The following DLG4 variants were observed in gnomAD, a reference collection of about 807,000 sequenced individuals.
DLG4 encodes the protein disks large homolog 4.
In DLG4, 7 loss-of-function variants were observed where a neutral mutation model predicts 93.8. That is an observed-to-expected ratio of 0.07 (90% CI 0.04 to 0.14). DLG4 has a LOEUF of 0.14. Among genes scored for constraint, DLG4 ranks in the 10% least tolerant of loss-of-function variants. The probability of loss-of-function intolerance (pLI) is 1.00; values close to 1 mark genes in which losing one functional copy is unlikely to be tolerated. For synonymous variants in DLG4, 341 were observed against 387.6 expected, an observed-to-expected ratio of 0.88 and a Z score of 1.41; for missense variants, 545 against 992.9, an observed-to-expected ratio of 0.55 and a Z score of 6.06.
At chr17:7,211,709 GAGGGGGACTGAGGGA>G in intron 1 of DLG4, 1 of 913,746 alleles carries the variant, frequency 1.1e-6, no homozygotes, top group Non-Finnish European at 1.3e-6. Flanking sequence ...TGGAGAAGGG[GAGGGGGACTGAGGGA>G]AGGGGGTAGG....
intron 1 of DLG4, chr17:7,211,669 A>T (rs2070711274): frequency 1.0e-6 from 1 of 980,708 alleles, no homozygotes; most frequent in Non-Finnish European, 1.2e-6. Flanking sequence ...ACGCAGAGAC[A>T]CATGGAGGCG....
At chr17:7,192,122 A>T in intron 17 of DLG4, 120 bp from the exon 18 acceptor site, 1 of 527,522 alleles carries the variant, frequency 1.9e-6, no homozygotes, top group Non-Finnish European at 3.3e-6. Flanking sequence ...AAGGGGAGTG[A>T]CATGGATGTC....
chr17:7,187,719 T>C lies in DLG4; in HGVS notation c.*2989A>G, dbSNP rs1163209505. On this transcript the variant is annotated 3_prime_UTR_variant, in exon 20 of 20. Transcript: ENST00000399506. ...CTTCAGCTCACGATAGAGAACGTTA[T>C]CACAGCCTCAAGCCATCTGCTATTA... 1.3e-5 allele frequency among the ~76,000 whole-genome samples: 2 copies of C among 152,014 alleles called. No individual in the cohort carries two copies. Among genetic ancestry groups the C allele is most frequent in the African/African-American group, 2.4e-5 (1 of 41,392 alleles).
In DLG4 at chr17:7,196,741, G is replaced by A; in HGVS notation, c.1083+16C>T. On this transcript the variant is annotated intron_variant, in intron 9 of 19. Transcript: ENST00000399506. This position sits in a 1 kb window ranked among gnomAD's most constrained non-coding sequence, Gnocchi z 8.3. ...TGGGGAGGGGGTGGTGCAGGTAGGG[G>A]CAGGCCTTCCCTCACCGACAGGATC... 6.3e-7 allele frequency: 1 copy of A among 1,594,760 alleles called. No individual in the cohort carries two copies. The highest frequency in any genetic ancestry group is 8.5e-7 in the Non-Finnish European group (1 of 1,170,722).
At chr17:7,217,920 G>C, upstream of DLG4, 6 of 1,180,684 alleles carry the variant, frequency 5.1e-6, no homozygotes, top group South Asian at 6.8e-5. Flanking sequence ...GCGGTAGGGG[G>C]TCGGGTGTGA....
chr17:7,210,836 A>C (rs1176263182), intron 1 of DLG4, among the ~76,000 whole-genome samples: 1 of 152,080 alleles, frequency 6.6e-6, no homozygotes, highest in Admixed American at 6.6e-5. Context: ...CCCAAAGAAA[A>C]TGGAAACATG....
chr17:7,218,594 C>T, upstream of DLG4: 1 of 1,566,762 alleles, frequency 6.4e-7, no homozygotes, highest in Admixed American at 1.9e-5. Context: ...TGGGGGTGCC[C>T]ACCGCAGCAG....
Position 7,196,771 on chromosome 17 carries a change from C to G in DLG4, c.1069G>C (p.Asp357His), listed in dbSNP as rs537642886. The change falls in exon 9 of 20, where the codon GAC becomes CAC. Residue 357 changes from aspartate (D) to histidine (H), a missense_variant. By Grantham distance (81) the Asp-to-His change is moderately conservative. Around this residue, in one of 5 missense-constraint regions of DLG4, gnomAD observed 428 missense variants for 741.4 expected, o/e 0.58. Coordinates refer to ENST00000399506, the MANE Select transcript of DLG4 (RefSeq NM_001321075.3). This position sits in a 1 kb window ranked among gnomAD's most constrained non-coding sequence, Gnocchi z 8.3. ...CCTTCCCTCACCGACAGGATCTGGT[C>G]CCCCTTCCGCAGCTCCCCACTGAGG... ...ADLSGELRKG[D>H]QILSVNGVDL... The G allele has an allele frequency of 1.2e-6, 2 of 1,607,438 alleles. No homozygotes were observed. The highest frequency in any genetic ancestry group is 1.1e-5 in the South Asian group (1 of 90,082).
Position 7,196,463 on chromosome 17 carries a change from G to C in DLG4, c.1186+10C>G. On this transcript the variant is annotated intron_variant, in intron 10 of 19. Transcript: ENST00000399506. This position sits in a 1 kb window ranked among gnomAD's most constrained non-coding sequence, Gnocchi z 8.3. ...TCAGCTCACAAGACAAGGAACTTCC[G>C]GCCTGGTACCTTCTGGTTTATACTG... 6.2e-7 allele frequency: 1 copy of C among 1,613,810 alleles called. No individual in the cohort carries two copies. The highest frequency in any genetic ancestry group is 8.5e-7 in the Non-Finnish European group (1 of 1,179,702).
rs902607993 is a variant in DLG4, at chr17:7,191,140, G to A, written c.2068+127C>T. On this transcript the variant is annotated intron_variant, in intron 19 of 19. Transcript: ENST00000399506. This position sits in a 1 kb window ranked among gnomAD's most constrained non-coding sequence, Gnocchi z 6.6. ...GCCCGCCAGTGCTGGGATTACAGGCGTGAGCCACCATGCCGCGCCCACAGG... is the reference window on the plus strand; with the variant it reads ...GCCCGCCAGTGCTGGGATTACAGGCATGAGCCACCATGCCGCGCCCACAGG... The A allele has an allele frequency of 1.3e-4, 110 of 836,630 alleles. No homozygotes were observed. Among genetic ancestry groups the A allele is most frequent in the African/African-American group, 1.2e-3 (71 of 59,718 alleles). 51.8% of individuals were successfully genotyped at this position (836,630 alleles called of 1,614,324 possible). A position where few individuals can be genotyped will look rare whatever the true frequency, so the allele number is the denominator to read the frequency against.
rs1274340141 is a variant in DLG4, at chr17:7,208,500, C to T, written c.31-261G>A. 6.6e-6 allele frequency among the ~76,000 whole-genome samples: 1 copy of T among 152,096 alleles called. No individual in the cohort carries two copies. Among genetic ancestry groups the T allele is most frequent in the African/African-American group, 2.4e-5 (1 of 41,396 alleles). On this transcript the variant is annotated intron_variant, in intron 1 of 19. Coordinates refer to ENST00000399506, the MANE Select transcript of DLG4 (RefSeq NM_001321075.3). The surrounding 1 kb of genome is among the most constrained non-coding windows in gnomAD (Gnocchi z 5.4). ...ATCCCCCAACTCCTACTCCTCACAT[C>T]CTGGGACACTGGCCTTCTGGTGGGC... is the stretch of plus-strand genomic sequence containing the variant.
chr17:7,198,462 G>A (rs2069926515), intron 8 of DLG4, among the ~76,000 whole-genome samples: 2 of 138,854 alleles, frequency 1.4e-5, no homozygotes, highest in Admixed American at 7.6e-5. Flanking sequence ...CAGCCTGGGT[G>A]ACAGAGCGAG....
Position 7,194,279 on chromosome 17 carries a change from G to C in DLG4, c.1478+40C>G, listed in dbSNP as rs1349768936. 2 of 1,578,422 alleles carry C rather than the reference G, an allele frequency of 1.3e-6. No homozygotes were observed. The highest frequency in any genetic ancestry group is 2.7e-5 in the African/African-American group (2 of 73,996). On this transcript the variant is annotated intron_variant, in intron 12 of 19. Coordinates refer to ENST00000399506, the MANE Select transcript of DLG4 (RefSeq NM_001321075.3). This position sits in a 1 kb window ranked among gnomAD's most constrained non-coding sequence, Gnocchi z 4.4. The stretch of plus-strand genomic sequence containing the variant: ...ACCCCGGGGGACCTTGGGAACTTCA[G>C]TGCCTGTGGCAGGAAGGCTACAGAG...
At chr17:7,217,707 T>A, upstream of DLG4, 1 of 1,532,942 alleles carries the variant, frequency 6.5e-7, no homozygotes, top group Non-Finnish European at 8.7e-7. Flanking sequence ...ACTCCTTCTG[T>A]GCTGGCAGGA....
At position 7,189,111 on chromosome 17, in the gene DLG4, CAAAA is replaced by C; in HGVS notation, c.*1593_*1596del. On this transcript the variant is annotated 3_prime_UTR_variant, in exon 20 of 20. Transcript: ENST00000399506. Reference sequence around the variant, plus strand: ...TGAGCGAAAGAGCGAAACTCTGTCTCAAAAAAAAAAAAAAAAGGGTGGGGGGGGC... The same window carrying C: ...TGAGCGAAAGAGCGAAACTCTGTCTCAAAAAAAAAAAAGGGTGGGGGGGGC... 1.6e-5 allele frequency among the ~76,000 whole-genome samples: 1 copy of C among 63,114 alleles called. No individual in the cohort carries two copies. The highest frequency in any genetic ancestry group is 1.9e-4 in the Admixed American group (1 of 5,266). The allele number at this position is 63,114 out of a possible 152,430, so 41.4% of individuals were successfully genotyped here.
At chr17:7,211,914 T>A (rs1307471288) in intron 1 of DLG4, among the ~76,000 whole-genome samples, 1 of 148,118 alleles carries the variant, frequency 6.8e-6, no homozygotes, top group Non-Finnish European at 1.5e-5. Context: ...GCCACCAACT[T>A]CCCTGGTTCA....
At position 7,193,121 on chromosome 17, in the gene DLG4, C is replaced by T; in HGVS notation, c.1694-4G>A. The T allele has an allele frequency of 1.2e-6, 2 of 1,613,426 alleles. No individual in the cohort carries two copies. The highest frequency in any genetic ancestry group is 1.7e-6 in the Non-Finnish European group (2 of 1,179,552). Reference sequence around the variant, plus strand: ...TCCCGCTTGGGCCGTGTCGTATCTGCCAGGAAGTCACCCCACCCCCCAAAG... The same window carrying T: ...TCCCGCTTGGGCCGTGTCGTATCTGTCAGGAAGTCACCCCACCCCCCAAAG... On this transcript the variant is annotated splice_region_variant and splice_polypyrimidine_tract_variant and intron_variant, in intron 16 of 19. Transcript: ENST00000399506. The surrounding 1 kb of genome is among the most constrained non-coding windows in gnomAD (Gnocchi z 6.7).
upstream of DLG4, chr17:7,219,569 GTC>G: frequency 9.0e-7 from 1 of 1,115,024 alleles, no homozygotes; most frequent in Non-Finnish European, 1.1e-6. Flanking sequence ...GTCTTTCCAT[GTC>G]TCTGCCTCTG....
chr17:7,196,162 G>T lies in DLG4; in HGVS notation c.1301+58C>A. Reference sequence around the variant, plus strand: ...GAGGAGCGGCTGAGGCCCGGGCCAGGCACAGAGTGCCCAGGAACGCAGAGG... The same window carrying T: ...GAGGAGCGGCTGAGGCCCGGGCCAGTCACAGAGTGCCCAGGAACGCAGAGG... On this transcript the variant is annotated intron_variant, in intron 11 of 19. Transcript: ENST00000399506. This position sits in a 1 kb window ranked among gnomAD's most constrained non-coding sequence, Gnocchi z 8.3. 7.3e-7 allele frequency: 1 copy of T among 1,376,394 alleles called. No individual in the cohort carries two copies. The highest frequency in any genetic ancestry group is 1.0e-6 in the Non-Finnish European group (1 of 983,908). The allele number at this position is 1,376,394 out of a possible 1,614,324, so 85.3% of individuals were successfully genotyped here.
Sources: allele counts gnomAD v4.1 joint callset (sites outside exome capture counted in the v4.1 genomes callset), GRCh38; gene constraint gnomAD v4.1.1; regional missense constraint gnomAD v4.1.1; non-coding constraint Gnocchi (gnomAD v3.1); transcripts MANE v1.5; gene names NCBI Gene and HGNC (gene_info 2026-07-23, HGNC 2026-07-21).